ESCO1: variants seen among roughly 807,000 people sequenced by gnomAD.
ESCO1 encodes establishment of sister chromatid cohesion N-acetyltransferase 1, also known as N-acetyltransferase ESCO1.
In ESCO1, 33 loss-of-function variants were observed where a neutral mutation model predicts 83.5. The observed-to-expected ratio is 0.40, with a 90% CI of 0.30 to 0.53. The LOEUF (loss-of-function observed/expected upper bound fraction) is 0.53. ESCO1 is among the 20% of genes least tolerant of loss of function. The pLI is 0.63. For synonymous variants in ESCO1, 332 were observed against 324.3 expected (o/e 1.02, Z -0.25); for missense variants, 855 against 968.0 (o/e 0.88, Z 1.55).
At chr18:21,554,883 G>C (rs1262897727) in intron 8 of ESCO1, among the ~76,000 whole-genome samples, 1 of 151,930 alleles carries the variant, frequency 6.6e-6, no homozygotes, top group Non-Finnish European at 1.5e-5. Flanking sequence ...ACTCTGGCCT[G>C]GGGGACAGAG....
chr18:21,594,747 T>TC (rs2038735907), intron 1 of ESCO1, among the ~76,000 whole-genome samples: 1 of 152,138 alleles, frequency 6.6e-6, no homozygotes, highest in Non-Finnish European at 1.5e-5. Context: ...TTATCTATTT[T>TC]TGAAGAAAAA....
rs1347630163 is a variant in ESCO1 at position 21,600,697 on chromosome 18, C to T, written c.-899G>A. The T allele has an allele frequency of 6.6e-6, 1 of 152,332 alleles. No individual in the cohort carries two copies. The highest frequency in any genetic ancestry group is 1.5e-5 in the Non-Finnish European group (1 of 68,124). The allele number at this position is 152,332 out of a possible 1,614,324, so 9.4% of individuals were successfully genotyped here. On this transcript the variant is annotated 5_prime_UTR_variant, in exon 1 of 12. Coordinates refer to ENST00000269214, the MANE Select transcript of ESCO1 (RefSeq NM_052911.3). ...CATCCGGGTATCAGGAGACACTCAG[C>T]TGCTTCTGCTGCGGCCGCCGCCTCC... is the stretch of plus-strand genomic sequence containing the variant.
At chr18:21,578,995 G>C (rs1346684003) in intron 2 of ESCO1, among the ~76,000 whole-genome samples, 3 of 152,044 alleles carry the variant, frequency 2.0e-5, no homozygotes, top group African/African-American at 7.2e-5. Flanking sequence ...TGAGTAGCTG[G>C]GATTACAGGC....
Position 21,568,041 on chromosome 18 carries a change from AAC to A in ESCO1, c.1582_1583del (p.Val528TyrfsTer13). The stretch of plus-strand genomic sequence containing the variant: ...GACTGAGCAGAGTCGAAGCAGCAGT[AAC>A]ATTTTCCACTGGACTGTTTTCTAGC... ...SKLENSPVEN[V>X]TAASTLLSQA... On this transcript the variant is annotated frameshift_variant, in exon 5 of 12. Transcript: ENST00000269214. LOFTEE classifies it high-confidence loss of function. 1.2e-6 allele frequency: 2 copies of A among 1,613,996 alleles called. No individual in the cohort carries two copies. The highest frequency in any genetic ancestry group is 1.7e-6 in the Non-Finnish European group (2 of 1,179,978).
chr18:21,545,425 T>A (rs2037960962), intron 8 of ESCO1, among the ~76,000 whole-genome samples: 1 of 150,118 alleles, frequency 6.7e-6, no homozygotes, highest in Non-Finnish European at 1.5e-5. Flanking sequence ...ATACAAAAAT[T>A]AGCCAGGCTT....
At chr18:21,591,632 C>T (rs1390916214) in intron 1 of ESCO1, among the ~76,000 whole-genome samples, 1 of 151,376 alleles carries the variant, frequency 6.6e-6, no homozygotes, top group Non-Finnish European at 1.5e-5. Context: ...ATCATCAACT[C>T]CAAAGTTCAC....
chr18:21,568,310 A>C (rs1239396917), intron 4 of ESCO1, among the ~76,000 whole-genome samples: 2 of 152,154 alleles, frequency 1.3e-5, no homozygotes, highest in African/African-American at 2.4e-5. Flanking sequence ...AGCAGGGTAC[A>C]GCAGTGCATG....
intron 2 of ESCO1, among the ~76,000 whole-genome samples, chr18:21,583,165 G>A (rs1032940708): frequency 2.0e-5 from 3 of 152,054 alleles, no homozygotes; most frequent in Non-Finnish European, 4.4e-5. Context: ...CTGGGTGACA[G>A]AGCGAGACTC....
intron 1 of ESCO1, among the ~76,000 whole-genome samples, chr18:21,589,778 C>T (rs919519189): frequency 2.6e-5 from 4 of 152,160 alleles, no homozygotes; most frequent in Admixed American, 2.6e-4. Context: ...ACCTCTCACA[C>T]TTAAGGCCTT....
chr18:21,598,865 C>T (rs760927789), intron 1 of ESCO1, among the ~76,000 whole-genome samples: 2 of 152,050 alleles, frequency 1.3e-5, no homozygotes, highest in Non-Finnish European at 2.9e-5. Flanking sequence ...ATATCTGACC[C>T]AACAGTGATA....
In ESCO1 at chr18:21,575,680, C is replaced by A. The variant is rs2038409974; in HGVS notation, c.-596G>T. On this transcript the variant is annotated 5_prime_UTR_variant, in exon 3 of 12. Coordinates refer to ENST00000269214, the MANE Select transcript of ESCO1 (RefSeq NM_052911.3). Reference sequence around the variant, plus strand: ...CCTTGAGGTTTACTTACAGTTTTTGCCCCAAAATATAGACTCGATGTCTCA... The same window carrying A: ...CCTTGAGGTTTACTTACAGTTTTTGACCCAAAATATAGACTCGATGTCTCA... 2.5e-6 allele frequency: 1 copy of A among 398,286 alleles called. No individual in the cohort carries two copies. Among genetic ancestry groups the A allele is most frequent in the Non-Finnish European group, 4.4e-6 (1 of 225,916 alleles). 24.7% of individuals were successfully genotyped at this position (398,286 alleles called of 1,614,324 possible). A position where few individuals can be genotyped will look rare whatever the true frequency, so the allele number is the denominator to read the frequency against.
intron 5 of ESCO1, among the ~76,000 whole-genome samples, chr18:21,566,545 C>A (rs1174067281): frequency 1.3e-5 from 2 of 152,062 alleles, no homozygotes; most frequent in East Asian, 1.9e-4. Flanking sequence ...CAAATGAAAA[C>A]ATTTTCTTGT....
rs544038129 is a variant in ESCO1 at position 21,541,470 on chromosome 18, G to A, written c.1954-1461C>T. On this transcript the variant is annotated intron_variant, in intron 8 of 11. Transcript: ENST00000269214. ...TAGGCGGGTGTGGTGGCACGCGCCTGTAGTTCTGGCTACTCAGGAGGCTGA... is the reference window on the plus strand; with the variant it reads ...TAGGCGGGTGTGGTGGCACGCGCCTATAGTTCTGGCTACTCAGGAGGCTGA... Among the ~76,000 whole-genome samples the A allele has an allele frequency of 7.2e-5, 11 of 151,872 alleles. No homozygotes were observed. The East Asian group carries it at 2.1e-3, about 29-fold the overall frequency.
At chr18:21,551,200 G>T (rs981236060) in intron 8 of ESCO1, among the ~76,000 whole-genome samples, 1 of 151,992 alleles carries the variant, frequency 6.6e-6, no homozygotes, top group Non-Finnish European at 1.5e-5. Context: ...GCCGGGCGCA[G>T]TGGCTCATGC....
At chr18:21,554,127 G>C (rs1049226341) in intron 8 of ESCO1, among the ~76,000 whole-genome samples, 14 of 152,102 alleles carry the variant, frequency 9.2e-5, no homozygotes, top group Non-Finnish European at 1.6e-4. Context: ...CCAAAATCCA[G>C]AACACTGATA....
At chr18:21,598,701 CA>C (rs1303506489) in intron 1 of ESCO1, among the ~76,000 whole-genome samples, 41 of 124,882 alleles carry the variant, frequency 3.3e-4, no homozygotes, top group South Asian at 4.9e-4. Flanking sequence ...GACTCCATCT[CA>C]AAAAAAAAAA....
At chr18:21,579,627 C>T (rs1230092706) in intron 2 of ESCO1, among the ~76,000 whole-genome samples, 1 of 149,628 alleles carries the variant, frequency 6.7e-6, no homozygotes, top group African/African-American at 2.5e-5. Flanking sequence ...AAAAAATTAG[C>T]TGGGCATGGA....
At chr18:21,537,245 C>T (rs879926765) in intron 9 of ESCO1, among the ~76,000 whole-genome samples, 9 of 152,160 alleles carry the variant, frequency 5.9e-5, no homozygotes, top group Admixed American at 5.9e-4. Context: ...TAGTTCCTTC[C>T]CCAGTTAAAA....
chr18:21,597,810 G>A (rs2038787411), intron 1 of ESCO1, among the ~76,000 whole-genome samples: 1 of 152,110 alleles, frequency 6.6e-6, no homozygotes, highest in Non-Finnish European at 1.5e-5. Flanking sequence ...CAGAGCAGAG[G>A]ATATAAATCT....
Sources: gnomAD v4.1 joint callset for allele counts (sites outside exome capture counted in the v4.1 genomes callset) on GRCh38, gnomAD v4.1.1 for gene constraint, MANE v1.5 for transcripts, NCBI Gene and HGNC (gene_info 2026-07-23, HGNC 2026-07-21) for gene names.